Variants in RPA1 observed in about 807,000 individuals in gnomAD.
The protein encoded by RPA1 is replication protein A1.
In RPA1, 49 loss-of-function variants were observed where a neutral mutation model predicts 83.0. The ratio of observed to expected loss-of-function variants is 0.59; its 90% CI spans 0.47 to 0.75. The LOEUF (loss-of-function observed/expected upper bound fraction) is 0.75, where lower values mean the gene tolerates loss of function less well. RPA1 is among the 30% of genes least tolerant of loss of function. The pLI is 0.00. For missense variants in RPA1, 693 were observed against 776.1 expected, an observed-to-expected ratio of 0.89 and a Z score of 1.27; for synonymous variants, 279 against 281.8, an observed-to-expected ratio of 0.99 and a Z score of 0.10.
intron 6 of RPA1, among the ~76,000 whole-genome samples, chr17:1,873,949 C>T (rs1386307577): frequency 2.1e-5 from 3 of 139,952 alleles, no homozygotes; most frequent in South Asian, 2.3e-4. Context: ...GCCAAGTTTG[C>T]GCCAGTGCCC....
intron 1 of RPA1, among the ~76,000 whole-genome samples, chr17:1,834,755 A>G (rs1911749417): frequency 6.6e-6 from 1 of 152,128 alleles, no homozygotes; most frequent in Admixed American, 6.6e-5. Flanking sequence ...TAGCTATTAT[A>G]CTCCCATTTT....
At chr17:1,836,661 C>G (rs1312062643) in intron 1 of RPA1, among the ~76,000 whole-genome samples, 1 of 151,252 alleles carries the variant, frequency 6.6e-6, no homozygotes, top group Non-Finnish European at 1.5e-5. Context: ...TGGCTTCTTT[C>G]AGCAGTTTTT....
chr17:1,867,710 C>CA (rs545978449), intron 5 of RPA1, among the ~76,000 whole-genome samples: 32 of 144,580 alleles, frequency 2.2e-4, no homozygotes, highest in South Asian at 6.6e-4. Context: ...GACCCTGTCT[C>CA]AAAAAAAAAA....
intron 5 of RPA1, chr17:1,858,221 G>T (rs1211685679): frequency 2.5e-6 from 4 of 1,613,652 alleles, no homozygotes; most frequent in Non-Finnish European, 3.4e-6. Context: ...ATCAGTGCTG[G>T]CCCCAGACAC....
intron 5 of RPA1, among the ~76,000 whole-genome samples, chr17:1,865,768 C>T (rs1913152375): frequency 1.3e-5 from 2 of 152,248 alleles, no homozygotes; most frequent in South Asian, 2.1e-4. Context: ...ATACTGTGTA[C>T]ACTATCGTGT....
intron 5 of RPA1, among the ~76,000 whole-genome samples, chr17:1,870,056 C>T (rs1307310458): frequency 1.3e-5 from 2 of 152,124 alleles, no homozygotes; most frequent in African/African-American, 4.8e-5. Flanking sequence ...ATAAAAGCCT[C>T]GGTTCAAGCA....
chr17:1,836,267 A>ACG (rs61196048), intron 1 of RPA1, among the ~76,000 whole-genome samples: 119,187 of 151,708 alleles, frequency 0.79, 48,907 homozygotes, highest in Non-Finnish European at 0.92. Context: ...GCACGCCACC[A>ACG]CCTGGCTAAT....
intron 16 of RPA1, among the ~76,000 whole-genome samples, chr17:1,896,567 C>T (rs896601264): frequency 2.6e-5 from 4 of 152,076 alleles, no homozygotes; most frequent in African/African-American, 9.7e-5. Context: ...TCAGCCCCAT[C>T]GTGTCTGGAC....
chr17:1,899,519 T>G lies in RPA1; in HGVS notation c.*2344T>G, dbSNP rs1914571770. On this transcript the variant is annotated 3_prime_UTR_variant, in exon 17 of 17. Transcript: ENST00000254719. The stretch of plus-strand genomic sequence containing the variant: ...ATCTGATTTCTGTCCATATTTCCAG[T>G]GTTTTATGCTTTCCATTAAAACCTT... The G allele has an allele frequency of 6.6e-6, 1 of 152,238 alleles. No individual in the cohort carries two copies. The highest frequency in any genetic ancestry group is 1.5e-5 in the Non-Finnish European group (1 of 68,042). 9.4% of individuals were successfully genotyped at this position (152,238 alleles called of 1,614,324 possible).
chr17:1,858,169 T>G, intron 5 of RPA1: 1 of 1,613,970 alleles, frequency 6.2e-7, no homozygotes, highest in Non-Finnish European at 8.5e-7. Context: ...ATTCCAGGTA[T>G]GATACATGAG....
intron 8 of RPA1, 135 bp from the exon 9 acceptor site, chr17:1,878,858 G>A: frequency 1.3e-6 from 1 of 786,220 alleles, no homozygotes. Flanking sequence ...TCTGGACCCT[G>A]TTTGTGCAAG....
At chr17:1,854,759 A>C (rs1965180390) in intron 5 of RPA1, among the ~76,000 whole-genome samples, 1 of 152,248 alleles carries the variant, frequency 6.6e-6, no homozygotes, top group African/African-American at 2.4e-5. Flanking sequence ...TGCAACTCAT[A>C]GGATTGACAA....
intron 4 of RPA1, among the ~76,000 whole-genome samples, chr17:1,849,614 TTTTG>T (rs1192761421): frequency 6.7e-6 from 1 of 150,144 alleles, no homozygotes; most frequent in African/African-American, 2.5e-5. Flanking sequence ...ATATTTGTCA[TTTTG>T]TTTTTTTTTT....
chr17:1,840,905 A>C (rs1310483726), intron 1 of RPA1, among the ~76,000 whole-genome samples: 6 of 152,042 alleles, frequency 3.9e-5, no homozygotes, highest in Non-Finnish European at 8.8e-5. Flanking sequence ...TGTCTCTACT[A>C]AAAATACAAA....
At chr17:1,842,336 T>G (rs1451169248) in intron 1 of RPA1, among the ~76,000 whole-genome samples, 3 of 152,216 alleles carry the variant, frequency 2.0e-5, no homozygotes, top group African/African-American at 7.2e-5. Flanking sequence ...TTTTGGAATA[T>G]TTAGAATTAT....
chr17:1,853,858 C>G (rs1310541866), intron 5 of RPA1, among the ~76,000 whole-genome samples: 1 of 152,184 alleles, frequency 6.6e-6, no homozygotes, highest in Non-Finnish European at 1.5e-5. Flanking sequence ...GCAGTCTATA[C>G]TCCTGTGATA....
At position 1,872,495 on chromosome 17, in the gene RPA1, G is replaced by T; in HGVS notation, c.423G>T (p.Arg141Ser). 2 of 1,613,776 alleles carry T rather than the reference G, an allele frequency of 1.2e-6. No homozygotes were observed. Among genetic ancestry groups the T allele is most frequent in the Non-Finnish European group, 1.7e-6 (2 of 1,179,982 alleles). Residue 141 changes from arginine (R) to serine (S), a missense_variant, in exon 6 of 17, where the codon AGG becomes AGT. Transcript: ENST00000254719. ...CAGCCAGCCCAGCAGCAAGCAGCAG[G>T]CCCCAGCCGCAGAATGGAAGCTCGG... Reference protein sequence around the residue: ...APAASPAASSRPQPQNGSSGM... With the variant: ...APAASPAASSSPQPQNGSSGM...
intron 7 of RPA1, among the ~76,000 whole-genome samples, 199 bp from the exon 8 acceptor site, chr17:1,877,013 C>T (rs527439400): frequency 6.6e-6 from 1 of 152,280 alleles, no homozygotes; most frequent in South Asian, 2.1e-4. Flanking sequence ...AGTATTAAAT[C>T]ACTTTGCATG....
rs975939291 is a variant in RPA1, at chr17:1,858,445, A to G, written c.361+5256A>G. The G allele has an allele frequency of 5.0e-6, 7 of 1,389,998 alleles. No homozygotes were observed. In the African/African-American group the frequency reaches 8.6e-5, roughly 17 times the overall value. The allele number at this position is 1,389,998 out of a possible 1,614,324, so 86.1% of individuals were successfully genotyped here. A position where few individuals can be genotyped will look rare whatever the true frequency, so the allele number is the denominator to read the frequency against. Reference sequence around the variant, plus strand: ...AACGTGTCTCAGCAACAGCGCAGCCATCTTGGGTTCTGGTCTCTCTTTTTC... The same window carrying G: ...AACGTGTCTCAGCAACAGCGCAGCCGTCTTGGGTTCTGGTCTCTCTTTTTC... On this transcript the variant is annotated intron_variant, in intron 5 of 16. Coordinates refer to ENST00000254719, the MANE Select transcript of RPA1 (RefSeq NM_002945.5).
Sources: allele counts gnomAD v4.1 joint callset (sites outside exome capture counted in the v4.1 genomes callset), GRCh38; gene constraint gnomAD v4.1.1; transcripts MANE v1.5; gene names NCBI Gene and HGNC (gene_info 2026-07-23, HGNC 2026-07-21).